Variants in SAC3D1 observed in about 807,000 individuals in gnomAD.
SAC3D1 encodes SAC3 domain-containing protein 1.
In SAC3D1, 10 loss-of-function variants were observed where a neutral mutation model predicts 12.7. That is an observed-to-expected ratio of 0.79 (90% CI 0.49 to 1.34). SAC3D1 has a LOEUF of 1.34. SAC3D1 is among the 40% of genes most tolerant of loss of function. The probability of loss-of-function intolerance (pLI) is 0.00; values close to 1 mark genes in which losing one functional copy is unlikely to be tolerated. For synonymous variants in SAC3D1, 241 were observed against 250.8 expected (o/e 0.96, Z 0.37); for missense variants, 482 against 531.1 (o/e 0.91, Z 0.91).
At position 65,044,103 on chromosome 11, in the gene SAC3D1, G is replaced by A. The variant is rs1194894760; in HGVS notation, c.575-122G>A. On this transcript the variant is annotated intron_variant, in intron 1 of 1. Transcript: ENST00000652489. This position sits in a 1 kb window ranked among gnomAD's most constrained non-coding sequence, Gnocchi z 4.0. ...GCTGGCCCTTAGAGGGGAGAGGGAA[G>A]TTGGGCTAGGCCTAGAGAAGGGGCG... 5 of 1,184,364 alleles carry A rather than the reference G, an allele frequency of 4.2e-6. No individual in the cohort carries two copies. In the African/African-American group the frequency reaches 7.7e-5, roughly 18 times the overall value. The allele number at this position is 1,184,364 out of a possible 1,614,324, so 73.4% of individuals were successfully genotyped here.
rs924933810 is a variant in SAC3D1, at chr11:65,041,367, G to T, written c.75G>T (p.Arg25Ser). Residue 25 changes from arginine (R) to serine (S), a missense_variant, in exon 1 of 2, where the codon AGG becomes AGT. Coordinates refer to ENST00000652489, the MANE Select transcript of SAC3D1 (RefSeq NM_013299.4). ...CPAAERAQRE[R>S]EHRLHRLEVV... ...CCGCCGAGCGCGCCCAGCGCGAAAGGGAGCACCGCCTGCACCGCTTGGAGG... is the reference window on the plus strand; with the variant it reads ...CCGCCGAGCGCGCCCAGCGCGAAAGTGAGCACCGCCTGCACCGCTTGGAGG... 8 of 1,510,582 alleles carry T rather than the reference G, an allele frequency of 5.3e-6. No homozygotes were observed. The Admixed American group carries it at 1.6e-4, about 31-fold the overall frequency. 93.6% of individuals were successfully genotyped at this position (1,510,582 alleles called of 1,614,324 possible).
chr11:65,041,000 C>CT, upstream of SAC3D1: 1 of 494,886 alleles, frequency 2.0e-6, no homozygotes, highest in South Asian at 2.3e-5. Context: ...CGAAGCTGAA[C>CT]TTGGCGCTCG....
rs1277295580 is a variant in SAC3D1 at position 65,041,649 on chromosome 11, C to T, written c.357C>T (p.Asp119=). 1.4e-6 allele frequency: 2 copies of T among 1,444,018 alleles called. No individual in the cohort carries two copies. Among genetic ancestry groups the T allele is most frequent in the Non-Finnish European group, 9.1e-7 (1 of 1,101,484 alleles). 89.5% of individuals were successfully genotyped at this position (1,444,018 alleles called of 1,614,324 possible). A position where few individuals can be genotyped will look rare whatever the true frequency, so the allele number is the denominator to read the frequency against. Residue 119 remains aspartate, a synonymous_variant, in exon 1 of 2, where the codon GAC becomes GAT. Coordinates refer to ENST00000652489, the MANE Select transcript of SAC3D1 (RefSeq NM_013299.4). ...LLDLALQGAG[D]AEAAVVLEAA... is the part of the protein sequence containing the mutation. ...ACCTGGCGCTGCAGGGAGCGGGCGA[C>T]GCCGAGGCAGCTGTGGTGCTGGAGG...
At position 65,041,615 on chromosome 11, in the gene SAC3D1, T is replaced by G. The variant is rs768183540; in HGVS notation, c.323T>G (p.Val108Gly). ...ASFVADRLRA[V>G]LLDLALQGAG... ...TTCGTGGCAGACCGCTTGCGAGCTG[T>G]GCTCCTGGACCTGGCGCTGCAGGGA... Residue 108 changes from valine (V) to glycine (G), a missense_variant, in exon 1 of 2, where the codon GTG becomes GGG. Transcript: ENST00000652489. 2 of 1,469,650 alleles carry G rather than the reference T, an allele frequency of 1.4e-6. No homozygotes were observed. Among genetic ancestry groups the G allele is most frequent in the South Asian group, 1.3e-5 (1 of 77,510 alleles). 91.0% of individuals were successfully genotyped at this position (1,469,650 alleles called of 1,614,324 possible).
At chr11:65,041,974 T>G in intron 1 of SAC3D1, 108 bp downstream of exon 1, 1 of 1,241,800 alleles carries the variant, frequency 8.1e-7, no homozygotes, top group Non-Finnish European at 1.0e-6. Flanking sequence ...ATTAGCCCCC[T>G]CCCAGGACAG....
chr11:65,041,693 T>A lies in SAC3D1; in HGVS notation c.401T>A (p.Leu134Gln). 13 of 1,341,200 alleles carry A rather than the reference T, an allele frequency of 9.7e-6. No individual in the cohort carries two copies. The highest frequency in any genetic ancestry group is 1.2e-5 in the Non-Finnish European group (13 of 1,053,752). The allele number at this position is 1,341,200 out of a possible 1,614,324, so 83.1% of individuals were successfully genotyped here. ...CTGGAGGCGGCGCTGGCCACGCTGC[T>A]GACCGTAGTGGCGCGGCTCGGGCCC... ...VVLEAALATLLTVVARLGPDA... is the reference protein window; with the variant it reads ...VVLEAALATLQTVVARLGPDA... Residue 134 changes from leucine (L) to glutamine (Q), a missense_variant, in exon 1 of 2, where the codon CTG (leucine) becomes CAG (glutamine). By Grantham distance (113) the Leu-to-Gln change is moderately radical. This residue lies in a region of SAC3D1 where 60 missense variants were observed against 106.9 expected (regional missense o/e 0.56). Coordinates refer to ENST00000652489, the MANE Select transcript of SAC3D1 (RefSeq NM_013299.4).
Position 65,044,216 on chromosome 11 carries a change from C to A in SAC3D1, c.575-9C>A. On this transcript the variant is annotated splice_polypyrimidine_tract_variant and intron_variant, in intron 1 of 1. Coordinates refer to ENST00000652489, the MANE Select transcript of SAC3D1 (RefSeq NM_013299.4). The surrounding 1 kb of genome is among the most constrained non-coding windows in gnomAD (Gnocchi z 4.0). The stretch of plus-strand genomic sequence containing the variant: ...CAGGCGTCCTCATTCTGGCTTCCCG[C>A]TCTCACAGGCTCGGTGGAAGCCCTG... 1 of 1,610,792 alleles carries A rather than the reference C, an allele frequency of 6.2e-7. No individual in the cohort carries two copies. Among genetic ancestry groups the A allele is most frequent in the Non-Finnish European group, 8.5e-7 (1 of 1,178,610 alleles).
At chr11:65,043,684 C>A (rs1247523161) in intron 1 of SAC3D1, among the ~76,000 whole-genome samples, 8 of 141,420 alleles carry the variant, frequency 5.7e-5, no homozygotes, top group African/African-American at 1.8e-4. Context: ...CTGTTGACTT[C>A]ACAACCTACT....
At chr11:65,043,005 TA>T (rs1436903604) in intron 1 of SAC3D1, 5 of 428,878 alleles carry the variant, frequency 1.2e-5, no homozygotes, top group Admixed American at 2.5e-5. Flanking sequence ...CCGGCTAACT[TA>T]AAAAAATTTT....
rs759217799 is a variant in SAC3D1 at position 65,044,562 on chromosome 11, G to A, written c.912G>A (p.Glu304=). Residue 304 remains glutamate, a synonymous_variant, in exon 2 of 2, where the codon GAG becomes GAA. Coordinates refer to ENST00000652489, the MANE Select transcript of SAC3D1 (RefSeq NM_013299.4). This position sits in a 1 kb window ranked among gnomAD's most constrained non-coding sequence, Gnocchi z 4.0. ...CQAHGLPLDG[E]ERVVFLRGRY... ...CCCACGGGCTGCCCTTGGACGGAGA[G>A]GAGAGAGTTGTGTTCCTGAGGGGTC... 1.2e-6 allele frequency: 2 copies of A among 1,614,192 alleles called. No individual in the cohort carries two copies. Among genetic ancestry groups the A allele is most frequent in the Admixed American group, 1.7e-5 (1 of 60,032 alleles).
Position 65,041,310 on chromosome 11 carries a change from G to C in SAC3D1, c.18G>C (p.Leu6=). MPGCE[L]PVGTCPDMCP... is the part of the protein sequence containing the mutation. Reference sequence around the variant, plus strand: ...GCCCCCTCATGCCCGGCTGCGAGCTGCCCGTGGGCACCTGCCCGGACATGT... The same window carrying C: ...GCCCCCTCATGCCCGGCTGCGAGCTCCCCGTGGGCACCTGCCCGGACATGT... The change falls in exon 1 of 2, where the codon CTG becomes CTC. Residue 6 remains leucine (L), a synonymous_variant. Transcript: ENST00000652489. 6.6e-7 allele frequency: 1 copy of C among 1,507,982 alleles called. No homozygotes were observed. Among genetic ancestry groups the C allele is most frequent in the Non-Finnish European group, 8.8e-7 (1 of 1,135,862 alleles). 93.4% of individuals were successfully genotyped at this position (1,507,982 alleles called of 1,614,324 possible). A position where few individuals can be genotyped will look rare whatever the true frequency, so the allele number is the denominator to read the frequency against.
chr11:65,044,144 G>A lies in SAC3D1; in HGVS notation c.575-81G>A, dbSNP rs1946665066. ...AGAAGGGGCGTGGTCGAGGAGAGAG[G>A]AAGGACAGGGTGTTGGGAGGGGAGA... On this transcript the variant is annotated intron_variant, in intron 1 of 1. Transcript: ENST00000652489. This position sits in a 1 kb window ranked among gnomAD's most constrained non-coding sequence, Gnocchi z 4.0. 6.6e-7 allele frequency: 1 copy of A among 1,506,112 alleles called. No individual in the cohort carries two copies. Among genetic ancestry groups the A allele is most frequent in the Non-Finnish European group, 9.0e-7 (1 of 1,105,886 alleles). The allele number at this position is 1,506,112 out of a possible 1,614,324, so 93.3% of individuals were successfully genotyped here. A position where few individuals can be genotyped will look rare whatever the true frequency, so the allele number is the denominator to read the frequency against.
rs942928619 is a variant in SAC3D1, at chr11:65,041,655, G to A, written c.363G>A (p.Glu121=). The A allele has an allele frequency of 1.4e-6, 2 of 1,439,754 alleles. No homozygotes were observed. The highest frequency in any genetic ancestry group is 1.5e-5 in the African/African-American group (1 of 67,554). The allele number at this position is 1,439,754 out of a possible 1,614,324, so 89.2% of individuals were successfully genotyped here. ...DLALQGAGDA[E]AAVVLEAALA... ...CGCTGCAGGGAGCGGGCGACGCCGA[G>A]GCAGCTGTGGTGCTGGAGGCGGCGC... is the stretch of plus-strand genomic sequence containing the variant. Residue 121 remains glutamate, a synonymous_variant, in exon 1 of 2, where the codon GAG becomes GAA. Coordinates refer to ENST00000652489, the MANE Select transcript of SAC3D1 (RefSeq NM_013299.4).
In SAC3D1 at chr11:65,043,197, C is replaced by T. The variant is rs538217230; in HGVS notation, c.575-1028C>T. 9.6e-6 allele frequency: 3 copies of T among 312,826 alleles called. 1 individual carries two copies. Among genetic ancestry groups the T allele is most frequent in the South Asian group, 7.1e-5 (3 of 42,524 alleles). 19.4% of individuals were successfully genotyped at this position (312,826 alleles called of 1,614,324 possible). ...TCCCTGGTCTAGTGGGGGAAGAAAT[C>T]GAAGCCCAGGGTGGTGAGGTGACTT... On this transcript the variant is annotated intron_variant, in intron 1 of 1. Coordinates refer to ENST00000652489, the MANE Select transcript of SAC3D1 (RefSeq NM_013299.4).
intron 1 of SAC3D1, among the ~76,000 whole-genome samples, chr11:65,043,559 T>C (rs1026603286): frequency 7.9e-6 from 1 of 126,936 alleles, no homozygotes; most frequent in Non-Finnish European, 1.5e-5. Flanking sequence ...GTAGTGGAGA[T>C]TGCAGTGAGC....
rs1377018802 is a variant in SAC3D1, at chr11:65,041,639, G to A, written c.347G>A (p.Gly116Glu). 6.9e-7 allele frequency: 1 copy of A among 1,448,332 alleles called. No homozygotes were observed. Among genetic ancestry groups the A allele is most frequent in the Non-Finnish European group, 9.1e-7 (1 of 1,103,754 alleles). 89.7% of individuals were successfully genotyped at this position (1,448,332 alleles called of 1,614,324 possible). A position where few individuals can be genotyped will look rare whatever the true frequency, so the allele number is the denominator to read the frequency against. ...RAVLLDLALQGAGDAEAAVVL... is the reference protein window; with the variant it reads ...RAVLLDLALQEAGDAEAAVVL... ...GTGCTCCTGGACCTGGCGCTGCAGG[G>A]AGCGGGCGACGCCGAGGCAGCTGTG... Residue 116 changes from glycine (G) to glutamate (E), a missense_variant, in exon 1 of 2, where the codon GGA becomes GAA. By Grantham distance (98) the Gly-to-Glu change is moderately conservative. Around this residue, in one of 3 missense-constraint regions of SAC3D1, gnomAD observed 197 missense variants for 183.2 expected, o/e 1.08. Transcript: ENST00000652489.
At chr11:65,042,540 T>TTGTTTCTTTC (rs1946628500) in intron 1 of SAC3D1, among the ~76,000 whole-genome samples, 1 of 151,290 alleles carries the variant, frequency 6.6e-6, no homozygotes, top group Non-Finnish European at 1.5e-5. Context: ...CTCTTATTAT[T>TTGTTTCTTTC]TGTTTCTTTC....
At chr11:65,042,628 G>A (rs917603517) in intron 1 of SAC3D1, among the ~76,000 whole-genome samples, 23 of 150,962 alleles carry the variant, frequency 1.5e-4, no homozygotes, top group African/African-American at 5.4e-4. Context: ...TGCAACCTCC[G>A]CCTCCCGGGT....
intron 1 of SAC3D1, among the ~76,000 whole-genome samples, chr11:65,042,763 A>C (rs3915453): frequency 0.027 from 4,176 of 151,892 alleles, 84 homozygotes; most frequent in African/African-American, 0.05. Context: ...GCTGGTCTCG[A>C]ACTCCTGACC....
Sources: allele counts gnomAD v4.1 joint callset (sites outside exome capture counted in the v4.1 genomes callset), GRCh38; gene constraint gnomAD v4.1.1; regional missense constraint gnomAD v4.1.1; non-coding constraint Gnocchi (gnomAD v3.1); transcripts MANE v1.5; gene names NCBI Gene and HGNC (gene_info 2026-07-23, HGNC 2026-07-21).